The following CSMD1 variants were observed in gnomAD, a reference collection of about 807,000 sequenced individuals.
CSMD1 encodes CUB and sushi domain-containing protein 1.
A neutral mutation model predicts 417.5 loss-of-function variants in CSMD1; 213 were observed. The observed-to-expected ratio is 0.51, with a 90% CI of 0.46 to 0.57. The LOEUF (loss-of-function observed/expected upper bound fraction) is 0.57. Ranked by LOEUF, CSMD1 falls within the 20% of genes least tolerant of loss-of-function variation. The pLI, the probability that CSMD1 is intolerant of heterozygous loss-of-function variation, is 0.00. For missense variants in CSMD1, 6,923 were observed against 4,529.7 expected (o/e 1.53, Z -15.17); for synonymous variants, 2,862 against 1,736.8 (o/e 1.65, Z -16.11).
intron 7 of CSMD1, among the ~76,000 whole-genome samples, chr8:3,688,037 T>C (rs764228099): frequency 6.6e-5 from 10 of 152,220 alleles, no homozygotes; most frequent in Non-Finnish European, 1.0e-4. Flanking sequence ...CCGAAATGGA[T>C]TGCTTTGCTC....
intron 1 of CSMD1, among the ~76,000 whole-genome samples, chr8:4,923,494 C>A (rs2117154435): frequency 6.6e-6 from 1 of 151,410 alleles, no homozygotes; most frequent in South Asian, 2.1e-4. Context: ...TATGTACTTT[C>A]TCTCTAAATA....
chr8:4,964,781 G>A (rs909571376), intron 1 of CSMD1, among the ~76,000 whole-genome samples: 1 of 152,128 alleles, frequency 6.6e-6, no homozygotes, highest in Non-Finnish European at 1.5e-5. Flanking sequence ...TTTTGTGAAT[G>A]AAATTGTTCT....
chr8:3,690,170 G>C (rs1402706201), intron 7 of CSMD1, among the ~76,000 whole-genome samples: 1 of 152,120 alleles, frequency 6.6e-6, no homozygotes, highest in African/African-American at 2.4e-5. Context: ...ACCAGCCTGG[G>C]CAACAGGGCA....
chr8:3,407,600 TG>T (rs1379786423), intron 14 of CSMD1, among the ~76,000 whole-genome samples: 1 of 151,294 alleles, frequency 6.6e-6, no homozygotes, highest in African/African-American at 2.4e-5. Context: ...GAATGATGGA[TG>T]GATGAATGGA....
intron 33 of CSMD1, 144 bp downstream of exon 33, chr8:3,199,570 T>C (rs986210027): frequency 7.2e-5 from 27 of 373,990 alleles, no homozygotes; most frequent in Non-Finnish European, 2.8e-5. Context: ...AATAATTTTA[T>C]TATAAACATA....
chr8:3,927,626 C>G (rs1449970903), intron 5 of CSMD1, among the ~76,000 whole-genome samples: 1 of 152,082 alleles, frequency 6.6e-6, no homozygotes, highest in Admixed American at 6.6e-5. Flanking sequence ...CATCACGCCA[C>G]TGAACTCCAC....
chr8:4,618,489 G>C (rs931872676), intron 2 of CSMD1, among the ~76,000 whole-genome samples: 2 of 151,690 alleles, frequency 1.3e-5, no homozygotes, highest in African/African-American at 4.8e-5. Context: ...GGGAAACCAA[G>C]AACAAAGCTC....
At chr8:3,427,976 G>C (rs190005216) in intron 12 of CSMD1, among the ~76,000 whole-genome samples, 1 of 152,310 alleles carries the variant, frequency 6.6e-6, no homozygotes, top group East Asian at 1.9e-4. Context: ...TTGAATTTTA[G>C]AAAATGGAAT....
intron 3 of CSMD1, among the ~76,000 whole-genome samples, chr8:4,252,195 G>C (rs180744285): frequency 1.3e-5 from 2 of 152,182 alleles, no homozygotes; most frequent in East Asian, 3.9e-4. Flanking sequence ...GGATAAAAAA[G>C]CTTAAAACAA....
intron 1 of CSMD1, among the ~76,000 whole-genome samples, chr8:4,820,221 A>G (rs575775666): frequency 2.0e-5 from 3 of 152,296 alleles, no homozygotes; most frequent in Admixed American, 2.0e-4. Flanking sequence ...AATGATATGC[A>G]TTATTGAATT....
chr8:4,248,518 C>G (rs933246480), intron 3 of CSMD1, among the ~76,000 whole-genome samples: 6 of 152,208 alleles, frequency 3.9e-5, no homozygotes, highest in African/African-American at 1.2e-4. Context: ...CAACTTCTAA[C>G]AGGAGGATTT....
At chr8:4,285,291 T>C (rs1433661291) in intron 3 of CSMD1, among the ~76,000 whole-genome samples, 1 of 152,200 alleles carries the variant, frequency 6.6e-6, no homozygotes, top group Non-Finnish European at 1.5e-5. Context: ...GCTTAAATAA[T>C]CAAATTACTC....
chr8:4,508,906 G>A (rs1029962064), intron 2 of CSMD1, among the ~76,000 whole-genome samples: 4 of 152,046 alleles, frequency 2.6e-5, no homozygotes, highest in East Asian at 1.9e-4. Flanking sequence ...TGCCTAAATA[G>A]GATGGTGCAC....
chr8:4,872,815 T>C (rs1288667450), intron 1 of CSMD1, among the ~76,000 whole-genome samples: 2 of 152,158 alleles, frequency 1.3e-5, no homozygotes, highest in Non-Finnish European at 2.9e-5. Flanking sequence ...GTTACTGTTT[T>C]TGCCCTTTAT....
At chr8:4,167,815 C>G (rs772479704) in intron 3 of CSMD1, among the ~76,000 whole-genome samples, 2 of 152,112 alleles carry the variant, frequency 1.3e-5, no homozygotes, top group Non-Finnish European at 2.9e-5. Context: ...CATACTCAGA[C>G]TCCATCTCTA....
chr8:3,836,488 G>T (rs1288358924), intron 5 of CSMD1, among the ~76,000 whole-genome samples: 2 of 152,094 alleles, frequency 1.3e-5, no homozygotes, highest in Admixed American at 1.3e-4. Context: ...AGAGATTGTT[G>T]CTGTATATAC....
chr8:3,668,374 C>T (rs1027775938), intron 7 of CSMD1, among the ~76,000 whole-genome samples: 1 of 152,008 alleles, frequency 6.6e-6, no homozygotes, highest in Non-Finnish European at 1.5e-5. Flanking sequence ...GTCCCCAGAC[C>T]CAAATTCTGT....
At chr8:3,140,644 C>G (rs1383951273) in intron 41 of CSMD1, among the ~76,000 whole-genome samples, 1 of 151,634 alleles carries the variant, frequency 6.6e-6, no homozygotes, top group African/African-American at 2.4e-5. Context: ...TCATAAAATA[C>G]TAGCCTCTTT....
chr8:4,870,253 T>C (rs1211548834), intron 1 of CSMD1, among the ~76,000 whole-genome samples: 1 of 152,098 alleles, frequency 6.6e-6, no homozygotes, highest in Non-Finnish European at 1.5e-5. Context: ...ACTGGAAACA[T>C]CTAGGTTTCC....
Sources: gnomAD v4.1 joint callset for allele counts (sites outside exome capture counted in the v4.1 genomes callset) on GRCh38, gnomAD v4.1.1 for gene constraint, MANE v1.5 for transcripts, NCBI Gene and HGNC (gene_info 2026-07-23, HGNC 2026-07-21) for gene names.